The following GDAP1 variants were observed in gnomAD, a reference collection of about 807,000 sequenced individuals.
GDAP1 encodes ganglioside-induced differentiation-associated protein 1.
Under a neutral mutation model 40.1 loss-of-function variants are expected in GDAP1, and 34 were observed. That is an observed-to-expected ratio of 0.85 (90% CI 0.64 to 1.13). The LOEUF is 1.13. Among genes scored for constraint, GDAP1 ranks in the 50% most tolerant of loss-of-function variants. The pLI is 0.00. For missense variants in GDAP1, 374 were observed against 433.7 expected (o/e 0.86, Z 1.22); for synonymous variants, 170 against 157.4 (o/e 1.08, Z -0.60).
At chr8:74,430,864 G>A (rs184085190) in intron 2 of GDAP1, among the ~76,000 whole-genome samples, 5 of 152,150 alleles carry the variant, frequency 3.3e-5, no homozygotes, top group Admixed American at 2.0e-4. Flanking sequence ...GATTTAGGGG[G>A]TACAAGTGCA....
chr8:74,365,310 G>A lies in GDAP1; in HGVS notation c.*943G>A, dbSNP rs1354334199. On this transcript the variant is annotated 3_prime_UTR_variant, in exon 6 of 6. Coordinates refer to ENST00000220822, the MANE Select transcript of GDAP1 (RefSeq NM_018972.4). ...ATCATCAACAAAGACTTGTTAGAAA[G>A]GTCTAGTCTTAGCACTTGGCAGTTA... 2.2e-6 allele frequency: 1 copy of A among 453,898 alleles called. No homozygotes were observed. Among genetic ancestry groups the A allele is most frequent in the Non-Finnish European group, 4.4e-6 (1 of 226,800 alleles). 28.1% of individuals were successfully genotyped at this position (453,898 alleles called of 1,614,324 possible). A position where few individuals can be genotyped will look rare whatever the true frequency, so the allele number is the denominator to read the frequency against.
chr8:74,367,565 G>A (rs1809682365), downstream of GDAP1, among the ~76,000 whole-genome samples: 1 of 151,954 alleles, frequency 6.6e-6, no homozygotes, highest in Non-Finnish European at 1.5e-5. Flanking sequence ...TGAAATTAAT[G>A]CAATAAATAA....
intron 2 of GDAP1, among the ~76,000 whole-genome samples, chr8:74,485,193 C>A (rs1323654398): frequency 1.3e-5 from 2 of 152,084 alleles, no homozygotes; most frequent in Non-Finnish European, 2.9e-5. Flanking sequence ...AAACTGACAA[C>A]AATTCCCATG....
At chr8:74,449,832 T>C (rs1056670395) in intron 2 of GDAP1, among the ~76,000 whole-genome samples, 7 of 151,822 alleles carry the variant, frequency 4.6e-5, no homozygotes, top group Non-Finnish European at 1.0e-4. Context: ...GTAAAATTTC[T>C]TTAAGTTTCT....
chr8:74,420,615 G>A (rs966668926), intron 2 of GDAP1, among the ~76,000 whole-genome samples: 2 of 152,108 alleles, frequency 1.3e-5, no homozygotes, highest in African/African-American at 2.4e-5. Flanking sequence ...GATGCTGTGC[G>A]GAGTGCTTTG....
chr8:74,412,098 A>T (rs1259658808), intron 2 of GDAP1, among the ~76,000 whole-genome samples: 1 of 149,990 alleles, frequency 6.7e-6, no homozygotes, highest in Admixed American at 6.6e-5. Flanking sequence ...GTCATTCAAG[A>T]TTCCTACAGA....
chr8:74,467,575 G>T (rs936534099), intron 2 of GDAP1, among the ~76,000 whole-genome samples: 1 of 152,154 alleles, frequency 6.6e-6, no homozygotes, highest in Admixed American at 6.5e-5. Context: ...GGCCTGGAGG[G>T]TTCCAAGGAT....
At chr8:74,384,627 C>T (rs1563453437) in intron 2 of GDAP1, among the ~76,000 whole-genome samples, 2 of 152,136 alleles carry the variant, frequency 1.3e-5, no homozygotes, top group African/African-American at 2.4e-5. Context: ...AGAGAAACCC[C>T]AAACCTCTAG....
chr8:74,428,688 G>T (rs1805986111), intron 2 of GDAP1, among the ~76,000 whole-genome samples: 1 of 117,942 alleles, frequency 8.5e-6, no homozygotes, highest in African/African-American at 3.3e-5. Context: ...CACCATGTTG[G>T]CCAGGCTGGG....
intron 2 of GDAP1, among the ~76,000 whole-genome samples, chr8:74,400,179 G>A (rs1015315281): frequency 4.7e-5 from 7 of 149,666 alleles, no homozygotes; most frequent in Admixed American, 4.6e-4. Flanking sequence ...TATTGTGTGG[G>A]AGTCTAAGTC....
intron 2 of GDAP1, among the ~76,000 whole-genome samples, chr8:74,373,351 G>A (rs892999885): frequency 6.6e-6 from 1 of 152,166 alleles, no homozygotes; most frequent in Non-Finnish European, 1.5e-5. Context: ...CTTGGGCAGT[G>A]TGGCCATTTT....
At chr8:74,381,086 G>GTT (rs1413841979) in intron 2 of GDAP1, among the ~76,000 whole-genome samples, 2 of 151,424 alleles carry the variant, frequency 1.3e-5, no homozygotes, top group East Asian at 3.9e-4. Flanking sequence ...TTATTTGAGT[G>GTT]TGTGTGTGTG....
At position 74,402,436 on chromosome 8, in the gene GDAP1, G is replaced by A. The variant is rs188854123; in HGVS notation, c.165+51115G>A. Among the ~76,000 whole-genome samples, 17 of 150,314 alleles carry A rather than the reference G, an allele frequency of 1.1e-4. No individual in the cohort carries two copies. The East Asian group carries it at 2.5e-3, about 22-fold the overall frequency. On this transcript the variant is annotated intron_variant, in intron 2 of 2. Coordinates refer to the GDAP1 transcript ENST00000523640. ...CGCAGTGTTAGGGTGTGAGTGACCC[G>A]ATTTTCCAGGTGCCGTCTGTCACCC...
At chr8:74,440,724 T>C (rs1806152661) in intron 2 of GDAP1, among the ~76,000 whole-genome samples, 1 of 152,084 alleles carries the variant, frequency 6.6e-6, no homozygotes, top group Non-Finnish European at 1.5e-5. Context: ...AATTCAACAC[T>C]AAACTTTAGT....
At chr8:74,466,510 A>G (rs1056922585) in intron 2 of GDAP1, among the ~76,000 whole-genome samples, 11 of 152,210 alleles carry the variant, frequency 7.2e-5, no homozygotes, top group African/African-American at 2.7e-4. Context: ...TAGTTGGGCA[A>G]TGAGAAGGAG....
intron 2 of GDAP1, among the ~76,000 whole-genome samples, chr8:74,393,044 T>A (rs1270740916): frequency 6.6e-6 from 1 of 152,230 alleles, no homozygotes; most frequent in African/African-American, 2.4e-5. Flanking sequence ...GAGTTATCAA[T>A]ACCTAAAATA....
chr8:74,396,479 A>T (rs1445422625), intron 2 of GDAP1, among the ~76,000 whole-genome samples: 2 of 151,986 alleles, frequency 1.3e-5, no homozygotes, highest in Non-Finnish European at 1.5e-5. Context: ...TACATTAGGT[A>T]TATCTCCTAA....
At chr8:74,488,224 G>A (rs1806799438) in intron 2 of GDAP1, among the ~76,000 whole-genome samples, 1 of 152,150 alleles carries the variant, frequency 6.6e-6, no homozygotes, top group African/African-American at 2.4e-5. Flanking sequence ...GGCATTTTGA[G>A]TAGTTAACAA....
chr8:74,411,075 C>T (rs1278518824), intron 2 of GDAP1, among the ~76,000 whole-genome samples: 1 of 149,776 alleles, frequency 6.7e-6, no homozygotes, highest in Non-Finnish European at 1.5e-5. Context: ...TTGGAAGTTC[C>T]TCCTTCACTC....
Sources: gnomAD v4.1 joint callset for allele counts (sites outside exome capture counted in the v4.1 genomes callset) on GRCh38, gnomAD v4.1.1 for gene constraint, MANE v1.5 for transcripts, NCBI Gene and HGNC (gene_info 2026-07-23, HGNC 2026-07-21) for gene names.